Variants in PCDHA1 observed in about 807,000 individuals in gnomAD.
PCDHA1 encodes the protein protocadherin alpha 1, also known as protocadherin alpha-1.
A neutral mutation model predicts 61.3 loss-of-function variants in PCDHA1; 42 were observed. The ratio of observed to expected loss-of-function variants is 0.69; its 90% CI spans 0.54 to 0.89. The LOEUF is 0.89. PCDHA1 is among the 40% of genes least tolerant of loss of function. The probability of loss-of-function intolerance (pLI) is 0.00; values close to 1 mark genes in which losing one functional copy is unlikely to be tolerated. For synonymous variants in PCDHA1, 610 were observed against 553.8 expected (o/e 1.10, Z -1.43); for missense variants, 1,256 against 1,235.3 (o/e 1.02, Z -0.25).
At chr5:140,913,934 G>C (rs1554196103) in intron 1 of PCDHA1, among the ~76,000 whole-genome samples, 1 of 152,102 alleles carries the variant, frequency 6.6e-6, no homozygotes, top group African/African-American at 2.4e-5. Context: ...TGTGGTCAGA[G>C]AAGAATCTTG....
intron 1 of PCDHA1, chr5:140,871,003 C>T (rs782654281): frequency 1.2e-6 from 2 of 1,613,416 alleles, no homozygotes; most frequent in Non-Finnish European, 1.7e-6. Context: ...AAGCACAACG[C>T]GTGCCCTGGA....
intron 1 of PCDHA1, chr5:140,966,800 G>A: frequency 6.5e-7 from 1 of 1,540,654 alleles, no homozygotes; most frequent in Non-Finnish European, 8.7e-7. Context: ...TGCGGCGACA[G>A]AGCATCCACG....
intron 1 of PCDHA1, among the ~76,000 whole-genome samples, chr5:140,889,199 T>C (rs1399579598): frequency 1.3e-5 from 2 of 151,896 alleles, no homozygotes; most frequent in African/African-American, 4.8e-5. Context: ...ATAACTTGAA[T>C]ACTTAACAAA....
At chr5:140,948,245 A>G (rs1554218500) in intron 1 of PCDHA1, among the ~76,000 whole-genome samples, 2 of 151,606 alleles carry the variant, frequency 1.3e-5, no homozygotes, top group African/African-American at 4.8e-5. Flanking sequence ...TTTAGTAAAT[A>G]TTTTTACATC....
intron 3 of PCDHA1, among the ~76,000 whole-genome samples, chr5:141,002,021 C>A (rs1177146388): frequency 2.6e-5 from 4 of 152,184 alleles, no homozygotes; most frequent in Admixed American, 6.5e-5. Flanking sequence ...GCACAGCCTT[C>A]GGTGCCCTGA....
Position 140,807,809 on chromosome 5 carries a change from A to G in PCDHA1, c.2394+19125A>G, listed in dbSNP as rs781897114. 2.2e-5 allele frequency: 35 copies of G among 1,613,958 alleles called. No individual in the cohort carries two copies. The African/African-American group carries it at 3.7e-4, about 17-fold the overall frequency. On this transcript the variant is annotated intron_variant, in intron 1 of 3. Transcript: ENST00000504120. ...TTTAGACAGAGAAGAAGCTCCGGAG[A>G]TTTTTTTAGTGCTCACAGCCACTGA... is the stretch of plus-strand genomic sequence containing the variant.
intron 3 of PCDHA1, among the ~76,000 whole-genome samples, chr5:141,007,166 A>C (rs548434277): frequency 3.3e-5 from 5 of 152,294 alleles, no homozygotes; most frequent in Admixed American, 6.5e-5. Context: ...GAACAGTCAG[A>C]GAGAAAGGTC....
intron 1 of PCDHA1, chr5:140,825,789 T>C (rs2150076169): frequency 6.6e-6 from 1 of 152,576 alleles, no homozygotes; most frequent in East Asian, 1.9e-4. Flanking sequence ...TATATTTTGG[T>C]TGGGAAATTT....
chr5:140,876,456 TTCC>T, intron 1 of PCDHA1: 1 of 1,614,050 alleles, frequency 6.2e-7, no homozygotes, highest in Non-Finnish European at 8.5e-7. Flanking sequence ...AAGGGATTCC[TTCC>T]ATGGCAGGTC....
At chr5:140,817,694 A>G (rs1766179696) in intron 1 of PCDHA1, 1 of 152,184 alleles carries the variant, frequency 6.6e-6, no homozygotes, top group South Asian at 2.1e-4. Context: ...CACACAGTAC[A>G]TTATTATCAT....
chr5:140,836,907 C>A, intron 1 of PCDHA1: 1 of 583,884 alleles, frequency 1.7e-6, no homozygotes, highest in Non-Finnish European at 2.8e-6. Flanking sequence ...GTTTAATATA[C>A]ACTTTTGTTT....
chr5:140,787,403 C>A lies in PCDHA1; in HGVS notation c.1113C>A (p.Leu371=). 6.2e-7 allele frequency: 1 copy of A among 1,614,246 alleles called. No homozygotes were observed. The highest frequency in any genetic ancestry group is 1.3e-5 in the African/African-American group (1 of 75,070). The change falls in exon 1 of 4, where the codon CTC becomes CTA. Residue 371 remains leucine, a synonymous_variant. Transcript: ENST00000504120. ...EDAPLSTVIA[L]ITVSDRDSGA... is the part of the protein sequence containing the mutation. ...CTCCACTCAGCACCGTCATCGCCCT[C>A]ATCACCGTGTCTGACCGTGACTCAG...
At chr5:140,998,211 T>C (rs2097801578) in intron 3 of PCDHA1, among the ~76,000 whole-genome samples, 1 of 152,226 alleles carries the variant, frequency 6.6e-6, no homozygotes. Context: ...TTAATCTGTA[T>C]AACCACACCC....
intron 1 of PCDHA1, among the ~76,000 whole-genome samples, chr5:140,915,282 T>C (rs2077058994): frequency 2.0e-5 from 3 of 152,152 alleles, no homozygotes; most frequent in South Asian, 2.1e-4. Flanking sequence ...CATCATTTAC[T>C]CTTTCTACTT....
At position 141,010,146 on chromosome 5, in the gene PCDHA1, C is replaced by A. The variant is rs782795358; in HGVS notation, c.*209C>A. 1 of 1,584,410 alleles carries A rather than the reference C, an allele frequency of 6.3e-7. No individual in the cohort carries two copies. Among genetic ancestry groups the A allele is most frequent in the Non-Finnish European group, 8.6e-7 (1 of 1,164,258 alleles). The stretch of plus-strand genomic sequence containing the variant: ...TAAGTCTGGTGTTAACTCTTTCTCT[C>A]CACTCTGGCTTGTTTTCAGAACCTA... On this transcript the variant is annotated 3_prime_UTR_variant, in exon 4 of 4. Transcript: ENST00000504120.
chr5:141,007,366 CATG>C (rs1319534619), intron 3 of PCDHA1, among the ~76,000 whole-genome samples: 13 of 118,904 alleles, frequency 1.1e-4, no homozygotes, highest in Admixed American at 7.7e-4. Flanking sequence ...GCCTGGGCAA[CATG>C]ATGGAACACC....
In PCDHA1 at chr5:140,978,964, C is replaced by A; in HGVS notation, c.2410C>A (p.Pro804Thr). The A allele has an allele frequency of 6.2e-7, 1 of 1,614,122 alleles. No individual in the cohort carries two copies. The highest frequency in any genetic ancestry group is 1.3e-5 in the African/African-American group (1 of 75,040). ...GATTTTGCAGCCACGACAGCCCAAC[C>A]CTGACTGGCGTTACTCTGCCTCCCT... The part of the protein sequence containing the change: ...DLSGNPRQPN[P>T]DWRYSASLRA... Residue 804 changes from proline (P) to threonine (T), a missense_variant, in exon 2 of 4, where the codon CCT becomes ACT. Transcript: ENST00000504120.
At chr5:140,883,667 A>G in intron 1 of PCDHA1, 1 of 1,613,568 alleles carries the variant, frequency 6.2e-7, no homozygotes. Context: ...CGTGAAGGAA[A>G]ACAATCCGCC....
At chr5:140,927,669 T>G in intron 1 of PCDHA1, 1 of 1,614,106 alleles carries the variant, frequency 6.2e-7, no homozygotes. Context: ...AAGCCTTGGA[T>G]CCAGATGAAG....
Sources: allele counts gnomAD v4.1 joint callset (sites outside exome capture counted in the v4.1 genomes callset), GRCh38; gene constraint gnomAD v4.1.1; transcripts MANE v1.5; gene names NCBI Gene and HGNC (gene_info 2026-07-23, HGNC 2026-07-21).